Variants in MAGI3 observed in about 807,000 individuals in gnomAD.
The protein encoded by MAGI3 is membrane associated guanylate kinase, WW and PDZ domain containing 3.
A neutral mutation model predicts 121.8 loss-of-function variants in MAGI3; 43 were observed. The observed-to-expected ratio is 0.35, with a 90% CI of 0.28 to 0.46. The LOEUF is 0.46. Ranked by LOEUF, MAGI3 falls within the 20% of genes least tolerant of loss-of-function variation. The pLI is 1.00. For synonymous variants in MAGI3, 553 were observed against 639.3 expected (o/e 0.86, Z 2.04); for missense variants, 1,547 against 1,797.3 (o/e 0.86, Z 2.52).
rs774573057 is a variant in MAGI3 at position 113,641,949 on chromosome 1, G to T, written c.1399G>T (p.Gly467Cys). The T allele has an allele frequency of 6.2e-7, 1 of 1,600,078 alleles. No individual in the cohort carries two copies. Among genetic ancestry groups the T allele is most frequent in the Admixed American group, 1.7e-5 (1 of 59,808 alleles). ...IVDINGNCVL[G>C]HTHADVVQMF... ...AGACATCAATGGCAACTGTGTCCTC[G>T]GTCACACTCATGCAGATGTTGTCCA... The change falls in exon 10 of 21, where the codon GGT becomes TGT. Residue 467 changes from glycine (G) to cysteine (C), a missense_variant. Transcript: ENST00000307546.
chr1:113,577,078 G>A (rs1162157783), intron 2 of MAGI3, among the ~76,000 whole-genome samples: 3 of 152,148 alleles, frequency 2.0e-5, no homozygotes, highest in Non-Finnish European at 4.4e-5. Flanking sequence ...AAAAGGAAAG[G>A]AAATCATCAC....
intron 1 of MAGI3, among the ~76,000 whole-genome samples, chr1:113,437,858 T>C (rs566818658): frequency 3.5e-5 from 2 of 57,144 alleles, no homozygotes; most frequent in South Asian, 7.4e-4. Context: ...CTTCTTCTTC[T>C]TCTTCCTCTT....
intron 1 of MAGI3, among the ~76,000 whole-genome samples, chr1:113,482,095 T>C (rs1037015924): frequency 4.6e-5 from 7 of 151,966 alleles, no homozygotes; most frequent in Non-Finnish European, 8.8e-5. Context: ...TTTAAATATT[T>C]AAGATTATAA....
intron 1 of MAGI3, among the ~76,000 whole-genome samples, chr1:113,507,891 A>G (rs769140514): frequency 6.6e-6 from 1 of 152,284 alleles, no homozygotes; most frequent in South Asian, 2.1e-4. Context: ...GAGAGGTTCT[A>G]TCTTCCAGTA....
chr1:113,431,867 T>G (rs1236287508), intron 1 of MAGI3, among the ~76,000 whole-genome samples: 1 of 152,178 alleles, frequency 6.6e-6, no homozygotes, highest in Non-Finnish European at 1.5e-5. Context: ...TTTTAAAATT[T>G]GCAGAGGTTA....
Position 113,585,558 on chromosome 1 carries a change from A to T in MAGI3, c.725A>T (p.Asp242Val), listed in dbSNP as rs1648315488. The T allele has an allele frequency of 6.2e-7, 1 of 1,614,062 alleles. No homozygotes were observed. Among genetic ancestry groups the T allele is most frequent in the Non-Finnish European group, 8.5e-7 (1 of 1,180,014 alleles). The change falls in exon 4 of 21, where the codon GAT becomes GTT. Residue 242 changes from aspartate to valine, a missense_variant. Coordinates refer to ENST00000307546, the MANE Select transcript of MAGI3 (RefSeq NM_001142782.2). ...MDSSLPEEEE[D>V]EDKEAINGSG... ...AGCTCTCTTCCTGAAGAGGAAGAAGATGAGGACAAGGAAGCTATTAATGGC... is the reference window on the plus strand; with the variant it reads ...AGCTCTCTTCCTGAAGAGGAAGAAGTTGAGGACAAGGAAGCTATTAATGGC...
Position 113,422,761 on chromosome 1 carries a change from G to T in MAGI3, c.316+31412G>T, listed in dbSNP as rs893354791. On this transcript the variant is annotated intron_variant, in intron 1 of 20. Coordinates refer to ENST00000307546, the MANE Select transcript of MAGI3 (RefSeq NM_001142782.2). This position sits in a 1 kb window ranked among gnomAD's most constrained non-coding sequence, Gnocchi z 4.3. The stretch of plus-strand genomic sequence containing the variant: ...CCCTATTGCCCTCAGTGTGGCGAGT[G>T]GGGGAGGCATGTTTCGGGGGGCATG... 6.6e-6 allele frequency among the ~76,000 whole-genome samples: 1 copy of T among 152,342 alleles called. No homozygotes were observed. Among genetic ancestry groups the T allele is most frequent in the African/African-American group, 2.4e-5 (1 of 41,584 alleles).
At chr1:113,496,967 C>A (rs1003405555) in intron 1 of MAGI3, among the ~76,000 whole-genome samples, 1 of 152,076 alleles carries the variant, frequency 6.6e-6, no homozygotes, top group Non-Finnish European at 1.5e-5. Context: ...GTAATTAAAG[C>A]TTAACTGAGG....
At chr1:113,481,343 T>C (rs1050173208) in intron 1 of MAGI3, among the ~76,000 whole-genome samples, 3 of 152,204 alleles carry the variant, frequency 2.0e-5, no homozygotes, top group African/African-American at 7.2e-5. Context: ...TTTTCTTATA[T>C]TTTGATTGTT....
At position 113,606,859 on chromosome 1, in the gene MAGI3, A is replaced by G. The variant is rs373366621; in HGVS notation, c.1019-7742A>G. ...TTCTTTTTTCTCTTTTTGCCAATAT[A>G]TTATTATGCAAAAGTTTCAACATAT... On this transcript the variant is annotated intron_variant, in intron 6 of 20. Transcript: ENST00000307546. Among the ~76,000 whole-genome samples, 430 of 152,102 alleles carry G rather than the reference A, an allele frequency of 2.8e-3. 2 individuals are homozygous for G. The highest frequency in any genetic ancestry group is 8.9e-3 in the African/African-American group (371 of 41,496).
intron 1 of MAGI3, chr1:113,449,995 C>T (rs1654397153): frequency 6.4e-7 from 1 of 1,564,844 alleles, no homozygotes; most frequent in Admixed American, 1.7e-5. Context: ...AAGCCTGGTG[C>T]CCATCTAACA....
chr1:113,650,461 G>A (rs1254280184), intron 13 of MAGI3, among the ~76,000 whole-genome samples: 2 of 152,190 alleles, frequency 1.3e-5, no homozygotes, highest in East Asian at 1.9e-4. Context: ...ATGCTGGTGA[G>A]CAAAATGAAC....
intron 1 of MAGI3, among the ~76,000 whole-genome samples, chr1:113,510,980 TG>T (rs1376735393): frequency 1.3e-5 from 2 of 152,222 alleles, no homozygotes; most frequent in African/African-American, 4.8e-5. Context: ...AGTTAATTGT[TG>T]AAGTCTTTCT....
At chr1:113,528,294 CTTT>C (rs60603067) in intron 1 of MAGI3, among the ~76,000 whole-genome samples, 3 of 138,176 alleles carry the variant, frequency 2.2e-5, no homozygotes, top group Non-Finnish European at 3.2e-5. Flanking sequence ...CTCCCCCAAC[CTTT>C]TTTTTTTTTT....
intron 1 of MAGI3, among the ~76,000 whole-genome samples, chr1:113,413,013 C>G (rs1201505966): frequency 1.3e-5 from 2 of 152,090 alleles, no homozygotes; most frequent in African/African-American, 4.8e-5. Flanking sequence ...GGTTTTAGGC[C>G]TAACATTTAA....
At chr1:113,400,642 C>A (rs1651352542) in intron 1 of MAGI3, among the ~76,000 whole-genome samples, 1 of 152,148 alleles carries the variant, frequency 6.6e-6, no homozygotes, top group African/African-American at 2.4e-5. Context: ...GCCATGAAAT[C>A]TAGTAAAATG....
intron 1 of MAGI3, among the ~76,000 whole-genome samples, chr1:113,528,146 T>G (rs1658537990): frequency 6.6e-6 from 1 of 152,178 alleles, no homozygotes; most frequent in Non-Finnish European, 1.5e-5. Flanking sequence ...CTATCCAGTT[T>G]ATAGTCAAAT....
At chr1:113,413,109 T>C (rs1012818651) in intron 1 of MAGI3, among the ~76,000 whole-genome samples, 10 of 152,348 alleles carry the variant, frequency 6.6e-5, no homozygotes, top group African/African-American at 2.4e-4. Flanking sequence ...TAGCCAGTTT[T>C]CCCAGCACCA....
intron 13 of MAGI3, among the ~76,000 whole-genome samples, chr1:113,650,391 A>G (rs777134439): frequency 4.6e-5 from 7 of 152,264 alleles, no homozygotes; most frequent in Non-Finnish European, 7.3e-5. Flanking sequence ...CTTAAATGTC[A>G]GATTTTAGCA....
Sources: gnomAD v4.1 joint callset for allele counts (sites outside exome capture counted in the v4.1 genomes callset) on GRCh38, gnomAD v4.1.1 for gene constraint, Gnocchi (gnomAD v3.1) non-coding constraint, MANE v1.5 for transcripts, NCBI Gene and HGNC (gene_info 2026-07-23, HGNC 2026-07-21) for gene names.